Variants in SV2C observed in about 807,000 individuals in gnomAD.
The protein encoded by SV2C is solute carrier family 22 member B3.
Under a neutral mutation model 79.7 loss-of-function variants are expected in SV2C, and 49 were observed. That is an observed-to-expected ratio of 0.61 (90% confidence interval 0.49 to 0.78). The LOEUF (loss-of-function observed/expected upper bound fraction) is 0.78, where lower values mean the gene tolerates loss of function less well. Ranked by LOEUF, SV2C falls within the 30% of genes least tolerant of loss-of-function variation. SV2C has a pLI of 0.00. For missense variants in SV2C, 833 were observed against 912.9 expected (o/e 0.91, Z 1.13); for synonymous variants, 334 against 333.2 (o/e 1.00, Z -0.03).
the SV2C span, among the ~76,000 whole-genome samples, chr5:75,995,935 T>C: frequency 1.4e-4 from 22 of 152,124 alleles, no homozygotes; most frequent in Non-Finnish European, 2.8e-4. Flanking sequence ...AAAAATACTC[T>C]TCTCTCCAAT....
At chr5:76,043,952 G>C in the SV2C span, among the ~76,000 whole-genome samples, 1 of 151,938 alleles carries the variant, frequency 6.6e-6, no homozygotes, top group Non-Finnish European at 1.5e-5. Flanking sequence ...GCATGTGAAG[G>C]TTTGTTATAT....
chr5:75,905,770 G>T, the SV2C span, among the ~76,000 whole-genome samples: 1 of 151,862 alleles, frequency 6.6e-6, no homozygotes, highest in African/African-American at 2.4e-5. Flanking sequence ...TCTTAAAAAT[G>T]CTTTAGAAAC....
intron 1 of SV2C, among the ~76,000 whole-genome samples, chr5:76,098,042 A>G (rs1369867373): frequency 4.6e-5 from 7 of 152,160 alleles, no homozygotes; most frequent in African/African-American, 1.7e-4. Flanking sequence ...TCTAATTTTG[A>G]TTAGTAATGA....
chr5:76,324,077 G>A (rs1170275528), intron 12 of SV2C, among the ~76,000 whole-genome samples: 1 of 152,064 alleles, frequency 6.6e-6, no homozygotes, highest in East Asian at 1.9e-4. Context: ...AAAATAGGGA[G>A]TAACAAATCT....
chr5:76,101,416 C>T (rs1290670592), intron 1 of SV2C, among the ~76,000 whole-genome samples: 1 of 152,180 alleles, frequency 6.6e-6, no homozygotes, highest in East Asian at 1.9e-4. Flanking sequence ...TTCTGTTCTT[C>T]ATTCATTCTG....
intron 12 of SV2C, among the ~76,000 whole-genome samples, chr5:76,348,844 C>CA (rs1343004850): frequency 6.6e-6 from 1 of 151,888 alleles, no homozygotes; most frequent in Non-Finnish European, 1.5e-5. Flanking sequence ...ACTAAAAATA[C>CA]AAAAAATTAT....
Position 76,277,319 on chromosome 5 carries a change from A to G in SV2C, c.914-7843A>G, listed in dbSNP as rs541434156. ...AATGTATATAGCAATTTTATTCATA[A>G]TCACCCAAAACTGGAAACAATCTAA... is the stretch of plus-strand genomic sequence containing the variant. On this transcript the variant is annotated intron_variant, in intron 4 of 12. Transcript: ENST00000502798. Among the ~76,000 whole-genome samples, 12 of 152,360 alleles carry G rather than the reference A, an allele frequency of 7.9e-5. No homozygotes were observed. In the South Asian group the frequency reaches 2.5e-3, roughly 32 times the overall value.
chr5:76,323,671 TGTG>T (rs1396313523), intron 12 of SV2C, among the ~76,000 whole-genome samples: 3 of 152,170 alleles, frequency 2.0e-5, no homozygotes, highest in Non-Finnish European at 4.4e-5. Context: ...ATAAAGCAAA[TGTG>T]GTACATGTAC....
chr5:75,909,237 G>T, the SV2C span, among the ~76,000 whole-genome samples: 2 of 152,350 alleles, frequency 1.3e-5, no homozygotes, highest in African/African-American at 2.4e-5. Flanking sequence ...ACCTGTGCAT[G>T]TGTGTCAGGG....
At chr5:76,263,458 A>G (rs752366868) in intron 4 of SV2C, among the ~76,000 whole-genome samples, 20 of 152,020 alleles carry the variant, frequency 1.3e-4, no homozygotes, top group Non-Finnish European at 2.9e-4. Flanking sequence ...CATTTAGCCC[A>G]TTTCATTTTA....
rs1745137765 is a variant in SV2C, at chr5:76,223,456, T to TATATAC, written c.913+13574_913+13575insCATATA. 1.9e-4 allele frequency among the ~76,000 whole-genome samples: 6 copies of TATATAC among 32,276 alleles called. 1 individual carries two copies. The highest frequency in any genetic ancestry group is 2.9e-4 in the Non-Finnish European group (6 of 20,730). The allele number at this position is 32,276 out of a possible 152,430, so 21.2% of individuals were successfully genotyped here. A position where few individuals can be genotyped will look rare whatever the true frequency, so the allele number is the denominator to read the frequency against. On this transcript the variant is annotated intron_variant, in intron 4 of 12. Coordinates refer to ENST00000502798, the MANE Select transcript of SV2C (RefSeq NM_014979.4). ...ATATACATACATACATATATATATA[T>TATATAC]ATATATATATATATATATATATATA... is the stretch of plus-strand genomic sequence containing the variant.
the SV2C span, among the ~76,000 whole-genome samples, chr5:76,038,751 G>A: frequency 3.9e-5 from 6 of 152,284 alleles, no homozygotes; most frequent in African/African-American, 1.2e-4. Context: ...TTATTGAATT[G>A]CTCATGAAAT....
chr5:76,290,129 AT>A (rs1438940880), intron 6 of SV2C, among the ~76,000 whole-genome samples: 2 of 152,230 alleles, frequency 1.3e-5, no homozygotes, highest in East Asian at 3.8e-4. Context: ...AAAAAACATA[AT>A]TCCTACATGG....
the SV2C span, among the ~76,000 whole-genome samples, chr5:76,060,088 T>C: frequency 4.6e-4 from 70 of 152,300 alleles, no homozygotes; most frequent in African/African-American, 1.7e-3. Context: ...TGTAAACAGA[T>C]GTGCTGTCGC....
the SV2C span, among the ~76,000 whole-genome samples, chr5:75,951,963 G>T: frequency 6.6e-6 from 1 of 151,930 alleles, no homozygotes; most frequent in African/African-American, 2.4e-5. Context: ...ACTGATTGTT[G>T]TCTCTTCTGT....
the SV2C span, among the ~76,000 whole-genome samples, chr5:75,991,176 C>A: frequency 6.6e-6 from 1 of 151,754 alleles, no homozygotes; most frequent in African/African-American, 2.4e-5. Context: ...AATGTTCTAT[C>A]CTTGATTCAA....
chr5:75,979,906 A>G, the SV2C span, among the ~76,000 whole-genome samples: 2 of 152,196 alleles, frequency 1.3e-5, no homozygotes, highest in Admixed American at 1.3e-4. Context: ...ATAGAGACAC[A>G]CAAAAAATTC....
At chr5:76,010,696 G>T in the SV2C span, among the ~76,000 whole-genome samples, 1 of 152,112 alleles carries the variant, frequency 6.6e-6, no homozygotes, top group African/African-American at 2.4e-5. Context: ...TAGCTTAAGT[G>T]TATTTTCTCT....
intron 2 of SV2C, among the ~76,000 whole-genome samples, chr5:76,178,556 G>T (rs148080381): frequency 2.0e-5 from 3 of 152,188 alleles, no homozygotes; most frequent in African/African-American, 7.2e-5. Context: ...TAAAAATAAT[G>T]ATTGCAATAA....
Sources: gnomAD v4.1 joint callset for allele counts (sites outside exome capture counted in the v4.1 genomes callset) on GRCh38, gnomAD v4.1.1 for gene constraint, MANE v1.5 for transcripts, NCBI Gene and HGNC (gene_info 2026-07-23, HGNC 2026-07-21) for gene names.